Variants in EEF1AKMT2 observed in about 807,000 individuals in gnomAD.
EEF1AKMT2 encodes the protein EEF1A lysine methyltransferase 2.
EEF1AKMT2 carries 32 observed loss-of-function variants against 35.8 expected under a neutral mutation model. That is an observed-to-expected ratio of 0.89 (90% CI 0.67 to 1.20). The LOEUF is 1.20. Among genes scored for constraint, EEF1AKMT2 ranks in the 50% most tolerant of loss-of-function variants. The pLI is 0.00. For missense variants in EEF1AKMT2, 330 were observed against 347.5 expected, an observed-to-expected ratio of 0.95 and a Z score of 0.40; for synonymous variants, 121 against 133.7, an observed-to-expected ratio of 0.91 and a Z score of 0.65.
intron 3 of EEF1AKMT2, among the ~76,000 whole-genome samples, chr10:124,778,530 C>G (rs1391242847): frequency 6.6e-6 from 1 of 151,934 alleles, no homozygotes; most frequent in Non-Finnish European, 1.5e-5. Flanking sequence ...TCGAGACCAG[C>G]CTGGCCAATA....
intron 3 of EEF1AKMT2, among the ~76,000 whole-genome samples, 194 bp downstream of exon 3, chr10:124,788,849 A>T (rs1344289239): frequency 1.3e-5 from 2 of 151,800 alleles, no homozygotes; most frequent in African/African-American, 4.8e-5. Flanking sequence ...TATAGCCAAA[A>T]GAGTCAAGAC....
At chr10:124,763,925 G>A (rs376670460) in intron 5 of EEF1AKMT2, among the ~76,000 whole-genome samples, 3 of 152,176 alleles carry the variant, frequency 2.0e-5, no homozygotes, top group Admixed American at 6.5e-5. Context: ...TGGCATGAAA[G>A]AAAAGACAAT....
intron 1 of EEF1AKMT2, among the ~76,000 whole-genome samples, chr10:124,790,995 C>T (rs1950629460): frequency 6.6e-6 from 1 of 152,152 alleles, no homozygotes; most frequent in Admixed American, 6.6e-5. Flanking sequence ...GATCTCCTGA[C>T]CTTGTGCTCC....
In EEF1AKMT2 at chr10:124,762,539, T is replaced by C. The variant is rs766350253; in HGVS notation, c.636A>G (p.Gly212=). The change falls in exon 6 of 7, where the codon GGA becomes GGG. Residue 212 remains glycine, a synonymous_variant. Coordinates refer to ENST00000368836, the MANE Select transcript of EEF1AKMT2 (RefSeq NM_212554.4). ...AAGTCAAGGCTGCAGTGAGCCAAAA[T>C]CCTGCCACTGTACTCCAACCTGGGC... ...EFSEGWSTVA[G]FWLTAALTSW... 1 of 1,246,268 alleles carries C rather than the reference T, an allele frequency of 8.0e-7. No individual in the cohort carries two copies. The highest frequency in any genetic ancestry group is 1.0e-6 in the Non-Finnish European group (1 of 953,520). 77.2% of individuals were successfully genotyped at this position (1,246,268 alleles called of 1,614,324 possible).
At chr10:124,779,121 G>T (rs1950514069) in intron 3 of EEF1AKMT2, among the ~76,000 whole-genome samples, 1 of 151,786 alleles carries the variant, frequency 6.6e-6, no homozygotes. Flanking sequence ...CTCAATCCAG[G>T]GTCAGCAATC....
chr10:124,771,876 A>G (rs886202213), intron 4 of EEF1AKMT2, among the ~76,000 whole-genome samples: 1 of 152,204 alleles, frequency 6.6e-6, no homozygotes, highest in Non-Finnish European at 1.5e-5. Flanking sequence ...CTCAAAAAAA[A>G]ACAAGATTAA....
chr10:124,782,364 C>T (rs1162978700), intron 3 of EEF1AKMT2, among the ~76,000 whole-genome samples: 3 of 151,746 alleles, frequency 2.0e-5, no homozygotes, highest in African/African-American at 7.3e-5. Flanking sequence ...GGGAGGATCA[C>T]GAGGTCAGGA....
intron 1 of EEF1AKMT2, among the ~76,000 whole-genome samples, chr10:124,790,890 G>A (rs566005110): frequency 2.0e-5 from 3 of 151,986 alleles, no homozygotes; most frequent in African/African-American, 7.2e-5. Flanking sequence ...TCAGCCTCCC[G>A]AGTAGCTGGG....
At chr10:124,773,168 G>A (rs1460923463) in intron 4 of EEF1AKMT2, among the ~76,000 whole-genome samples, 2 of 152,142 alleles carry the variant, frequency 1.3e-5, no homozygotes, top group Non-Finnish European at 2.9e-5. Flanking sequence ...CCACTGTGTT[G>A]AGGTGGGGGT....
chr10:124,762,775 T>A (rs75102943), intron 5 of EEF1AKMT2, among the ~76,000 whole-genome samples: 1,740 of 152,320 alleles, frequency 0.011, 31 homozygotes, highest in African/African-American at 0.04. Context: ...TAATATGATG[T>A]TTCTTAATGC....
intron 3 of EEF1AKMT2, among the ~76,000 whole-genome samples, chr10:124,778,707 C>T (rs976177095): frequency 1.4e-5 from 2 of 138,266 alleles, no homozygotes; most frequent in East Asian, 2.1e-4. Flanking sequence ...TGGGTGACGG[C>T]GTGAGACTCC....
chr10:124,787,087 AT>A (rs11292234), intron 3 of EEF1AKMT2, among the ~76,000 whole-genome samples: 151,804 of 151,804 alleles, frequency 1, 75,902 homozygotes, highest in Non-Finnish European at 1. Flanking sequence ...CTGGGACTAT[AT>A]GGCGCCCACC....
chr10:124,765,208 AT>A (rs1950368250), intron 5 of EEF1AKMT2, among the ~76,000 whole-genome samples, 183 bp downstream of exon 5: 2 of 152,238 alleles, frequency 1.3e-5, no homozygotes, highest in Admixed American at 1.3e-4. Flanking sequence ...ATCTCAACCA[AT>A]GTTATTTCTC....
At position 124,760,363 on chromosome 10, in the gene EEF1AKMT2, C is replaced by A; in HGVS notation, c.*140G>T. ...GATTTTCTGTGTCAGGTTAACTTTG[C>A]TGTGTAGATTCTGTGTAGCTACCTG... On this transcript the variant is annotated 3_prime_UTR_variant, in exon 7 of 7. Coordinates refer to ENST00000368836, the MANE Select transcript of EEF1AKMT2 (RefSeq NM_212554.4). 1.5e-6 allele frequency: 2 copies of A among 1,314,964 alleles called. No individual in the cohort carries two copies. The highest frequency in any genetic ancestry group is 1.1e-6 in the Non-Finnish European group (1 of 920,370). 81.5% of individuals were successfully genotyped at this position (1,314,964 alleles called of 1,614,324 possible).
intron 3 of EEF1AKMT2, among the ~76,000 whole-genome samples, chr10:124,782,206 CAG>C (rs1003562253): frequency 6.6e-6 from 1 of 152,104 alleles, no homozygotes; most frequent in African/African-American, 2.4e-5. Flanking sequence ...GAATAAAAAA[CAG>C]AGGTAAGGCC....
chr10:124,776,377 A>C (rs1187875372), intron 3 of EEF1AKMT2, among the ~76,000 whole-genome samples: 2 of 152,212 alleles, frequency 1.3e-5, no homozygotes, highest in Non-Finnish European at 2.9e-5. Context: ...TGACTTTAGA[A>C]ACAGACCCGA....
Position 124,760,462 on chromosome 10 carries a change from A to G in EEF1AKMT2, c.*41T>C, listed in dbSNP as rs988330083. The G allele has an allele frequency of 1.2e-6, 2 of 1,613,962 alleles. No homozygotes were observed. Among genetic ancestry groups the G allele is most frequent in the Non-Finnish European group, 8.5e-7 (1 of 1,179,846 alleles). On this transcript the variant is annotated 3_prime_UTR_variant, in exon 7 of 7. Transcript: ENST00000368836. ...ACACTGTTTCCAGATCTGCCTCCAA[A>G]GCTGAACTTGGGTGTTGGTAGCTCT...
At chr10:124,783,434 G>C (rs187150240) in intron 3 of EEF1AKMT2, among the ~76,000 whole-genome samples, 1 of 152,126 alleles carries the variant, frequency 6.6e-6, no homozygotes. Context: ...ATAAGCCACT[G>C]TGCCCAGCCA....
Position 124,764,621 on chromosome 10 carries a change from A to C in EEF1AKMT2, c.616+771T>G, listed in dbSNP as rs568099014. Reference sequence around the variant, plus strand: ...AATTCCCTACATTTTAATTCCGTGCAATCTTAAAAATAATTGTTCTATATC... The same window carrying C: ...AATTCCCTACATTTTAATTCCGTGCCATCTTAAAAATAATTGTTCTATATC... On this transcript the variant is annotated intron_variant, in intron 5 of 6. Coordinates refer to ENST00000368836, the MANE Select transcript of EEF1AKMT2 (RefSeq NM_212554.4). Among the ~76,000 whole-genome samples the C allele has an allele frequency of 8.1e-4, 124 of 152,356 alleles. 1 individual carries two copies. The highest frequency in any genetic ancestry group is 2.8e-3 in the African/African-American group (118 of 41,590).
Sources: allele counts gnomAD v4.1 joint callset (sites outside exome capture counted in the v4.1 genomes callset), GRCh38; gene constraint gnomAD v4.1.1; transcripts MANE v1.5; gene names NCBI Gene and HGNC (gene_info 2026-07-23, HGNC 2026-07-21).